Variants in PRDM5 observed in about 807,000 individuals in gnomAD.
PRDM5 encodes PR domain zinc finger protein 5.
In PRDM5, 56 loss-of-function variants were observed where a neutral mutation model predicts 81.2. The observed-to-expected ratio is 0.69, with a 90% CI of 0.56 to 0.86. The LOEUF is 0.86. Among genes scored for constraint, PRDM5 ranks in the 40% least tolerant of loss-of-function variants. The probability of loss-of-function intolerance (pLI) is 0.00; values close to 1 mark genes in which losing one functional copy is unlikely to be tolerated. For synonymous variants in PRDM5, 267 were observed against 256.4 expected, an observed-to-expected ratio of 1.04 and a Z score of -0.39; for missense variants, 697 against 770.1, an observed-to-expected ratio of 0.91 and a Z score of 1.12.
intron 13 of PRDM5, among the ~76,000 whole-genome samples, chr4:120,762,927 C>T (rs1482885264): frequency 6.6e-6 from 1 of 152,066 alleles, no homozygotes; most frequent in East Asian, 1.9e-4. Context: ...TTTTAGAGAT[C>T]CTCTACTTTT....
chr4:120,725,643 A>G (rs1373681928), intron 14 of PRDM5, among the ~76,000 whole-genome samples: 1 of 152,160 alleles, frequency 6.6e-6, no homozygotes, highest in Non-Finnish European at 1.5e-5. Flanking sequence ...TAGCCCTGAA[A>G]ATCCTACACC....
chr4:120,725,473 T>C (rs759641879), intron 14 of PRDM5, among the ~76,000 whole-genome samples: 7 of 152,146 alleles, frequency 4.6e-5, no homozygotes, highest in Non-Finnish European at 1.0e-4. Flanking sequence ...CAGATCACAT[T>C]TCACTTTTTT....
intron 3 of PRDM5, among the ~76,000 whole-genome samples, chr4:120,827,912 T>C (rs1318079127): frequency 6.6e-6 from 1 of 152,156 alleles, no homozygotes; most frequent in African/African-American, 2.4e-5. Flanking sequence ...GCCCCTAGAC[T>C]TATTAATGCT....
chr4:120,696,165 G>C (rs1057174414), intron 15 of PRDM5, among the ~76,000 whole-genome samples: 1 of 152,060 alleles, frequency 6.6e-6, no homozygotes, highest in South Asian at 2.1e-4. Flanking sequence ...TAAGAAGGGG[G>C]TAATCCAATA....
At chr4:120,822,328 T>C (rs768174780) in intron 3 of PRDM5, among the ~76,000 whole-genome samples, 55 of 152,202 alleles carry the variant, frequency 3.6e-4, no homozygotes, top group Non-Finnish European at 6.0e-4. Flanking sequence ...AGAGACTGAA[T>C]TTATTGAACC....
intron 1 of PRDM5, among the ~76,000 whole-genome samples, chr4:120,915,203 T>A (rs1561715621): frequency 6.6e-6 from 1 of 152,170 alleles, no homozygotes; most frequent in Non-Finnish European, 1.5e-5. Context: ...GTATCACTAC[T>A]ATCCTAACAA....
At chr4:120,689,641 C>T (rs905760085), downstream of PRDM5, among the ~76,000 whole-genome samples, 4 of 148,824 alleles carry the variant, frequency 2.7e-5, no homozygotes, top group Non-Finnish European at 5.9e-5. Flanking sequence ...GGGTTTCGCT[C>T]TGTTGCCCAG....
intron 14 of PRDM5, among the ~76,000 whole-genome samples, chr4:120,713,881 G>C (rs764982594): frequency 6.6e-6 from 1 of 152,120 alleles, no homozygotes. Context: ...GTTCACATGA[G>C]GGCCCTTTTC....
intron 3 of PRDM5, among the ~76,000 whole-genome samples, chr4:120,833,728 T>C (rs917451884): frequency 1.3e-5 from 2 of 152,138 alleles, no homozygotes; most frequent in African/African-American, 4.8e-5. Flanking sequence ...GTGTTTCCAG[T>C]AATTATAATC....
At chr4:120,710,214 CACACAG>C in intron 15 of PRDM5, 89 bp downstream of exon 15, 1 of 1,043,824 alleles carries the variant, frequency 9.6e-7, no homozygotes, top group Non-Finnish European at 1.5e-6. Flanking sequence ...GCAACACACA[CACACAG>C]ACACACACAC....
chr4:120,839,747 G>T (rs1044574013), intron 3 of PRDM5, among the ~76,000 whole-genome samples: 1 of 152,192 alleles, frequency 6.6e-6, no homozygotes, highest in African/African-American at 2.4e-5. Context: ...TCTGCCTCCT[G>T]CCACCCTCCA....
intron 13 of PRDM5, chr4:120,762,792 C>G (rs778555977): frequency 2.6e-5 from 4 of 152,160 alleles, no homozygotes; most frequent in Non-Finnish European, 5.9e-5. Context: ...CACCTTGTTA[C>G]TCTTGGAATG....
rs912237118 is a variant in PRDM5, at chr4:120,855,311, T to C, written c.178-1771A>G. On this transcript the variant is annotated intron_variant, in intron 2 of 15. Coordinates refer to ENST00000264808, the MANE Select transcript of PRDM5 (RefSeq NM_018699.4). ...AGCACGAATTTAATTTTTCATATTG[T>C]AATTTCTAAAAGAGCAATTTAGGAC... is the stretch of plus-strand genomic sequence containing the variant. Among the ~76,000 whole-genome samples the C allele has an allele frequency of 2.0e-5, 3 of 152,218 alleles. No individual in the cohort carries two copies. In the South Asian group the frequency reaches 6.2e-4, roughly 32 times the overall value.
intron 14 of PRDM5, among the ~76,000 whole-genome samples, chr4:120,730,684 A>G (rs559762667): frequency 1.9e-4 from 29 of 152,282 alleles, no homozygotes; most frequent in Middle Eastern, 3.4e-3. Context: ...CTCTTTATAT[A>G]TATATTTCAG....
chr4:120,686,084 T>A (rs1733823132), intron 1 of PRDM5, among the ~76,000 whole-genome samples: 2 of 152,034 alleles, frequency 1.3e-5, no homozygotes, highest in South Asian at 2.1e-4. Context: ...TCTGGCCATG[T>A]GATATGCATT....
At chr4:120,856,118 C>T (rs1398101625) in intron 2 of PRDM5, among the ~76,000 whole-genome samples, 2 of 152,162 alleles carry the variant, frequency 1.3e-5, no homozygotes, top group South Asian at 2.1e-4. Context: ...TTCAATTATT[C>T]AGTATTAGCA....
intron 2 of PRDM5, among the ~76,000 whole-genome samples, chr4:120,859,394 AT>A (rs1017259925): frequency 6.6e-6 from 1 of 151,694 alleles, no homozygotes; most frequent in African/African-American, 2.4e-5. Flanking sequence ...TAATAATTTT[AT>A]TTTATTTTTT....
chr4:120,802,748 G>A (rs1180328671), intron 8 of PRDM5, among the ~76,000 whole-genome samples: 6 of 152,258 alleles, frequency 3.9e-5, no homozygotes, highest in Middle Eastern at 6.8e-3. Flanking sequence ...AAACTACAAA[G>A]ATGGGGAAAA....
intron 14 of PRDM5, among the ~76,000 whole-genome samples, chr4:120,715,876 G>A (rs965128446): frequency 6.6e-6 from 1 of 152,062 alleles, no homozygotes; most frequent in African/African-American, 2.4e-5. Context: ...GGAAGAAAAG[G>A]CAATGAAAAT....
Sources: gnomAD v4.1 joint callset for allele counts (sites outside exome capture counted in the v4.1 genomes callset) on GRCh38, gnomAD v4.1.1 for gene constraint, MANE v1.5 for transcripts, NCBI Gene and HGNC (gene_info 2026-07-23, HGNC 2026-07-21) for gene names.